THSD7B: variants seen among roughly 807,000 people sequenced by gnomAD.
THSD7B encodes thrombospondin type-1 domain-containing protein 7B.
In THSD7B, 138 loss-of-function variants were observed where a neutral mutation model predicts 213.6. That is an observed-to-expected ratio of 0.65 (90% confidence interval 0.56 to 0.74). THSD7B has a LOEUF of 0.74. THSD7B is among the 30% of genes least tolerant of loss of function. The probability of loss-of-function intolerance (pLI) is 0.00; values close to 1 mark genes in which losing one functional copy is unlikely to be tolerated. For synonymous variants in THSD7B, 742 were observed against 687.0 expected, an observed-to-expected ratio of 1.08 and a Z score of -1.25; for missense variants, 1,931 against 1,991.5, an observed-to-expected ratio of 0.97 and a Z score of 0.58.
chr2:136,788,714 C>G (rs1681911975), intron 1 of THSD7B, among the ~76,000 whole-genome samples: 1 of 152,032 alleles, frequency 6.6e-6, no homozygotes, highest in South Asian at 2.1e-4. Context: ...AGTTTTATGG[C>G]CCATTTTAAG....
intron 2 of THSD7B, among the ~76,000 whole-genome samples, chr2:136,940,151 T>C (rs770765261): frequency 3.3e-5 from 5 of 152,118 alleles, no homozygotes; most frequent in Non-Finnish European, 7.4e-5. Context: ...TTAAATAATT[T>C]CTCATCCCTC....
intron 11 of THSD7B, among the ~76,000 whole-genome samples, chr2:137,272,883 A>G (rs759241321): frequency 2.0e-5 from 3 of 152,004 alleles, no homozygotes; most frequent in Non-Finnish European, 4.4e-5. Flanking sequence ...AGCACGTTTG[A>G]CTGTAAGTGA....
At chr2:136,869,899 C>G (rs1477674371) in intron 1 of THSD7B, among the ~76,000 whole-genome samples, 2 of 152,046 alleles carry the variant, frequency 1.3e-5, no homozygotes, top group African/African-American at 4.8e-5. Context: ...TGGTGAAACT[C>G]CATCTATACT....
At chr2:137,044,723 A>G (rs1244583969) in intron 2 of THSD7B, among the ~76,000 whole-genome samples, 1 of 152,224 alleles carries the variant, frequency 6.6e-6, no homozygotes, top group African/African-American at 2.4e-5. Context: ...AATGTCTCAT[A>G]CTATACTCAT....
intron 25 of THSD7B, among the ~76,000 whole-genome samples, chr2:137,660,402 A>C (rs963371092): frequency 6.6e-6 from 1 of 152,196 alleles, no homozygotes; most frequent in African/African-American, 2.4e-5. Flanking sequence ...TTTTTCTTAT[A>C]GTATGCCTAT....
chr2:137,257,437 C>A (rs1682336755), intron 10 of THSD7B, among the ~76,000 whole-genome samples: 1 of 152,158 alleles, frequency 6.6e-6, no homozygotes, highest in African/African-American at 2.4e-5. Context: ...TGAGTGTGAG[C>A]TTCTAAGGAG....
At chr2:137,084,940 C>T (rs189388991) in intron 3 of THSD7B, among the ~76,000 whole-genome samples, 45 of 152,134 alleles carry the variant, frequency 3.0e-4, no homozygotes, top group African/African-American at 1.1e-3. Flanking sequence ...TTCAATGGTC[C>T]TAAAAATTAC....
chr2:137,479,845 A>T (rs1688266769), intron 15 of THSD7B, among the ~76,000 whole-genome samples: 1 of 152,022 alleles, frequency 6.6e-6, no homozygotes, highest in Non-Finnish European at 1.5e-5. Context: ...GCTGCTTGGG[A>T]CTCAGAGTTT....
chr2:137,324,935 G>A (rs933305920), intron 12 of THSD7B, among the ~76,000 whole-genome samples: 2 of 152,146 alleles, frequency 1.3e-5, no homozygotes, highest in Non-Finnish European at 1.5e-5. Flanking sequence ...TCTTCCTTGC[G>A]AATAGAGGTC....
chr2:136,966,926 C>T (rs989288336), intron 2 of THSD7B, among the ~76,000 whole-genome samples: 1 of 152,142 alleles, frequency 6.6e-6, no homozygotes, highest in African/African-American at 2.4e-5. Flanking sequence ...TTTCTCTCTT[C>T]CTTCCCCTCC....
intron 1 of THSD7B, among the ~76,000 whole-genome samples, chr2:136,814,492 G>A: frequency 6.6e-6 from 1 of 151,918 alleles, no homozygotes; most frequent in East Asian, 1.9e-4. Flanking sequence ...TCTGCCTCTG[G>A]GGTTCACGCC....
chr2:137,172,674 T>C (rs1268249132), intron 7 of THSD7B, among the ~76,000 whole-genome samples: 1 of 152,206 alleles, frequency 6.6e-6, no homozygotes, highest in African/African-American at 2.4e-5. Context: ...TAGGAAATTA[T>C]AGGACCTGAG....
At chr2:136,973,142 T>C (rs1464940306) in intron 2 of THSD7B, among the ~76,000 whole-genome samples, 4 of 152,194 alleles carry the variant, frequency 2.6e-5, no homozygotes, top group African/African-American at 9.6e-5. Context: ...AGCACAAAGA[T>C]TATGACTGGT....
chr2:137,047,214 A>T (rs913263141), intron 2 of THSD7B, among the ~76,000 whole-genome samples: 1 of 152,178 alleles, frequency 6.6e-6, no homozygotes, highest in African/African-American at 2.4e-5. Flanking sequence ...GTGGAATGGG[A>T]TGAAGAAACT....
chr2:136,824,400 T>G lies in THSD7B; in HGVS notation c.-35-57744T>G, dbSNP rs1295797801. ...TATTTAATATTATCTGAGATTAAGG[T>G]CTTTTTTTTCTAATATGTTAGCTAG... On this transcript the variant is annotated intron_variant, in intron 1 of 27. Coordinates refer to ENST00000409968, the MANE Select transcript of THSD7B (RefSeq NM_001316349.2). 5.9e-5 allele frequency among the ~76,000 whole-genome samples: 9 copies of G among 152,122 alleles called. No homozygotes were observed. In the South Asian group the frequency reaches 1.9e-3, roughly 32 times the overall value.
chr2:137,549,919 GC>G (rs1419556803), intron 15 of THSD7B, among the ~76,000 whole-genome samples: 1 of 151,974 alleles, frequency 6.6e-6, no homozygotes, highest in Non-Finnish European at 1.5e-5. Context: ...GCATGGTGTT[GC>G]TTTTTTTCAC....
chr2:137,391,215 ATTTTCTCTCAG>A (rs1348345697), intron 12 of THSD7B, among the ~76,000 whole-genome samples: 1 of 151,760 alleles, frequency 6.6e-6, no homozygotes, highest in Non-Finnish European at 1.5e-5. Flanking sequence ...GAATTAATCC[ATTTTCTCTCAG>A]TTTTCTCATT....
At chr2:137,139,953 C>T (rs569318571) in intron 5 of THSD7B, among the ~76,000 whole-genome samples, 43 of 151,872 alleles carry the variant, frequency 2.8e-4, no homozygotes, top group African/African-American at 8.9e-4. Flanking sequence ...TTTAATTATT[C>T]GAATTGGTTT....
chr2:137,423,541 T>TAGCATCA (rs530012127), intron 14 of THSD7B, among the ~76,000 whole-genome samples: 6 of 152,100 alleles, frequency 3.9e-5, no homozygotes, highest in Admixed American at 2.0e-4. Context: ...TCATTTATAA[T>TAGCATCA]AGCATCAAAA....
Sources: gnomAD v4.1 joint callset for allele counts (sites outside exome capture counted in the v4.1 genomes callset) on GRCh38, gnomAD v4.1.1 for gene constraint, MANE v1.5 for transcripts, NCBI Gene and HGNC (gene_info 2026-07-23, HGNC 2026-07-21) for gene names.